Variants in TUT4 observed in about 807,000 individuals in gnomAD.
TUT4 encodes terminal uridylyltransferase 4.
Under a neutral mutation model 192.2 loss-of-function variants are expected in TUT4, and 36 were observed. The observed-to-expected ratio is 0.19, with a 90% CI of 0.14 to 0.25. The LOEUF is 0.25. TUT4 is among the 10% of genes least tolerant of loss of function. The probability of loss-of-function intolerance (pLI) is 1.00; values close to 1 mark genes in which losing one functional copy is unlikely to be tolerated. For synonymous variants in TUT4, 618 were observed against 666.0 expected (o/e 0.93, Z 1.11); for missense variants, 1,493 against 1,957.2 (o/e 0.76, Z 4.47).
chr1:52,494,768 T>C (rs1166763118), intron 6 of TUT4, among the ~76,000 whole-genome samples: 1 of 152,056 alleles, frequency 6.6e-6, no homozygotes, highest in African/African-American at 2.4e-5. Flanking sequence ...ACACCAAATT[T>C]TCACCCAAAT....
intron 25 of TUT4, 87 bp from the exon 26 acceptor site, chr1:52,437,065 C>CT: frequency 6.7e-7 from 1 of 1,497,308 alleles, no homozygotes; most frequent in Non-Finnish European, 8.9e-7. Flanking sequence ...AACAAAAGGA[C>CT]TAACATGCCC....
At chr1:52,438,707 T>C (rs1412004700) in intron 24 of TUT4, among the ~76,000 whole-genome samples, 1 of 152,228 alleles carries the variant, frequency 6.6e-6, no homozygotes, top group Admixed American at 6.5e-5. Context: ...GAGCTAAGTC[T>C]GTCTCACAAC....
chr1:52,443,392 A>AC (rs998193900), intron 24 of TUT4, among the ~76,000 whole-genome samples: 7 of 150,760 alleles, frequency 4.6e-5, no homozygotes, highest in Non-Finnish European at 3.0e-5. Context: ...TTCAACACCA[A>AC]CCTGACCAGC....
At chr1:52,503,679 G>A (rs372826793) in intron 4 of TUT4, among the ~76,000 whole-genome samples, 73 of 152,232 alleles carry the variant, frequency 4.8e-4, no homozygotes, top group African/African-American at 1.7e-3. Context: ...TCAGCATCCT[G>A]AGTAGCTGAG....
At chr1:52,460,028 G>A (rs946845147) in intron 19 of TUT4, among the ~76,000 whole-genome samples, 11 of 152,080 alleles carry the variant, frequency 7.2e-5, no homozygotes, top group Admixed American at 2.6e-4. Flanking sequence ...AGGGAAAAGG[G>A]GTGATTTAAT....
rs115969409 is a variant in TUT4 at position 52,455,341 on chromosome 1, G to A, written c.3435+2995C>T. ...ATTAGATTGAAGCAAAAGTAATTGC[G>A]GTTTTGCCATTAAAAGTAATCTCAA... On this transcript the variant is annotated intron_variant, in intron 20 of 29. Coordinates refer to ENST00000257177, the MANE Select transcript of TUT4 (RefSeq NM_001009881.3). 3.6e-3 allele frequency among the ~76,000 whole-genome samples: 549 copies of A among 152,036 alleles called. 3 individuals are homozygous for A. The highest frequency in any genetic ancestry group is 0.013 in the African/African-American group (524 of 41,500).
chr1:52,457,820 TC>T (rs1661416684), intron 20 of TUT4, among the ~76,000 whole-genome samples: 1 of 152,216 alleles, frequency 6.6e-6, no homozygotes, highest in African/African-American at 2.4e-5. Context: ...ATAATCTGTT[TC>T]TTTCAATGTA....
intron 8 of TUT4, among the ~76,000 whole-genome samples, chr1:52,490,145 A>T (rs906848982): frequency 1.4e-5 from 2 of 145,466 alleles, no homozygotes; most frequent in African/African-American, 2.5e-5. Flanking sequence ...CCTTGAGAAG[A>T]GAGGCTTTTT....
intron 13 of TUT4, 29 bp downstream of exon 13, chr1:52,474,803 T>C: frequency 2.6e-6 from 4 of 1,528,732 alleles, no homozygotes; most frequent in Non-Finnish European, 3.5e-6. Flanking sequence ...CCACAAAATC[T>C]TACAGATCAT....
At chr1:52,498,529 C>T (rs1007099114) in intron 4 of TUT4, among the ~76,000 whole-genome samples, 2 of 151,930 alleles carry the variant, frequency 1.3e-5, no homozygotes, top group African/African-American at 2.4e-5. Context: ...CAGGCGTGAG[C>T]CACAGCGCCC....
At chr1:52,547,149 A>G in intron 1 of TUT4, among the ~76,000 whole-genome samples, 1 of 148,554 alleles carries the variant, frequency 6.7e-6, no homozygotes, top group East Asian at 2.0e-4. Context: ...ATAGAGCAAG[A>G]CTGTCTCAAA....
At chr1:52,447,245 T>TA (rs1250430170) in intron 20 of TUT4, among the ~76,000 whole-genome samples, 1 of 152,018 alleles carries the variant, frequency 6.6e-6, no homozygotes, top group East Asian at 1.9e-4. Context: ...GTCAGGAGTT[T>TA]GAGACCAGCC....
intron 25 of TUT4, 87 bp from the exon 26 acceptor site, chr1:52,437,065 C>T (rs1654011476): frequency 1.1e-5 from 16 of 1,497,188 alleles, no homozygotes; most frequent in Non-Finnish European, 1.4e-5. Flanking sequence ...AACAAAAGGA[C>T]TAACATGCCC....
intron 1 of TUT4, among the ~76,000 whole-genome samples, chr1:52,530,894 T>C (rs1040835611): frequency 4.6e-5 from 7 of 152,076 alleles, no homozygotes; most frequent in African/African-American, 1.7e-4. Context: ...TTTCAGCTAC[T>C]TGGGAGGCTG....
chr1:52,490,366 G>A (rs538738438), intron 8 of TUT4, among the ~76,000 whole-genome samples: 41 of 151,618 alleles, frequency 2.7e-4, no homozygotes, highest in Non-Finnish European at 5.9e-4. Context: ...ATGTTGCCCA[G>A]GCTAGTCTTG....
chr1:52,519,847 A>T (rs1049284880), intron 2 of TUT4, among the ~76,000 whole-genome samples: 1 of 152,092 alleles, frequency 6.6e-6, no homozygotes, highest in South Asian at 2.1e-4. Context: ...AAATTGACCC[A>T]ACAGCAAGAC....
intron 15 of TUT4, among the ~76,000 whole-genome samples, chr1:52,467,012 G>C (rs943734109): frequency 9.2e-5 from 14 of 151,972 alleles, no homozygotes; most frequent in African/African-American, 3.4e-4. Flanking sequence ...AAGCATGGTG[G>C]CACACACCTG....
chr1:52,461,649 A>G (rs1161812394), intron 17 of TUT4, 33 bp from the exon 18 acceptor site: 11 of 1,570,458 alleles, frequency 7.0e-6, no homozygotes, highest in Non-Finnish European at 9.5e-6. Context: ...CAGTAGGTTA[A>G]ATAATTTTCA....
Position 52,471,952 on chromosome 1 carries a change from C to A in TUT4, c.2878G>T (p.Asp960Tyr). Residue 960 changes from aspartate to tyrosine, a missense_variant and splice_region_variant, in exon 14 of 30, where the codon GAT becomes TAT. Coordinates refer to ENST00000257177, the MANE Select transcript of TUT4 (RefSeq NM_001009881.3). ...ILDLVCKRCF[D>Y]ELSPPCSEQH... ...ATAGTTGTAGTAATGAAAGACTTAC[C>A]AAAACATCTTTTACATACTAAATCA... 1 of 1,610,054 alleles carries A rather than the reference C, an allele frequency of 6.2e-7. No homozygotes were observed. Among genetic ancestry groups the A allele is most frequent in the South Asian group, 1.1e-5 (1 of 90,128 alleles).
Sources: allele counts gnomAD v4.1 joint callset (sites outside exome capture counted in the v4.1 genomes callset), GRCh38; gene constraint gnomAD v4.1.1; transcripts MANE v1.5; gene names NCBI Gene and HGNC (gene_info 2026-07-23, HGNC 2026-07-21).